The following LRP1B variants were observed in gnomAD, a reference collection of about 807,000 sequenced individuals.
LRP1B encodes LDL receptor related protein 1B.
A neutral mutation model predicts 556.6 loss-of-function variants in LRP1B; 217 were observed. That is an observed-to-expected ratio of 0.39 (90% confidence interval 0.35 to 0.44). The LOEUF is 0.44. LRP1B is among the 20% of genes least tolerant of loss of function. The pLI, the probability that LRP1B is intolerant of heterozygous loss-of-function variation, is 1.00. For synonymous variants in LRP1B, 2,047 were observed against 1,865.8 expected, an observed-to-expected ratio of 1.10 and a Z score of -2.50; for missense variants, 5,053 against 5,620.8, an observed-to-expected ratio of 0.90 and a Z score of 3.23.
chr2:141,874,539 C>T (rs13024611), intron 1 of LRP1B, among the ~76,000 whole-genome samples: 26,842 of 151,792 alleles, frequency 0.18, 2,797 homozygotes, highest in East Asian at 0.34. Context: ...ACAATTCCCT[C>T]TCTGCCAAAA....
intron 2 of LRP1B, among the ~76,000 whole-genome samples, chr2:141,806,135 G>A (rs577044009): frequency 1.3e-5 from 2 of 152,170 alleles, no homozygotes; most frequent in East Asian, 3.9e-4. Context: ...TGTTGAAAAG[G>A]AAGTATCATT....
intron 1 of LRP1B, among the ~76,000 whole-genome samples, chr2:142,119,057 G>A (rs995946383): frequency 3.9e-5 from 6 of 152,082 alleles, no homozygotes; most frequent in African/African-American, 1.2e-4. Flanking sequence ...CTGCAAGTAA[G>A]CTCTTTACAC....
chr2:140,238,070 C>A, intron 89 of LRP1B, 82 bp downstream of exon 89: 1 of 1,252,952 alleles, frequency 8.0e-7, no homozygotes, highest in Non-Finnish European at 1.1e-6. Context: ...AACAGAAAAA[C>A]TTGGTGAAAT....
At position 141,045,135 on chromosome 2, in the gene LRP1B, T is replaced by C. The variant is rs1486741395; in HGVS notation, c.1789+3851A>G. ...GTCCTTTGTGGGGACATGGATGAAA[T>C]TGGAAATCATCATTCTCAGTAAACT... On this transcript the variant is annotated intron_variant, in intron 11 of 90. Transcript: ENST00000389484. 4.5e-5 allele frequency among the ~76,000 whole-genome samples: 6 copies of C among 132,306 alleles called. No homozygotes were observed. In the South Asian group the frequency reaches 8.6e-4, roughly 19 times the overall value. 86.8% of individuals were successfully genotyped at this position (132,306 alleles called of 152,430 possible).
intron 7 of LRP1B, among the ~76,000 whole-genome samples, chr2:141,164,897 G>T (rs2105122608): frequency 6.6e-6 from 1 of 152,098 alleles, no homozygotes; most frequent in Middle Eastern, 3.4e-3. Flanking sequence ...AACTACTAAA[G>T]TTACTAACCC....
chr2:141,418,791 G>A (rs2104959065), intron 3 of LRP1B, among the ~76,000 whole-genome samples: 1 of 152,032 alleles, frequency 6.6e-6, no homozygotes, highest in South Asian at 2.1e-4. Flanking sequence ...AGGATTTTGA[G>A]AGGAATTCCA....
At chr2:141,772,728 C>A (rs773559853) in intron 2 of LRP1B, among the ~76,000 whole-genome samples, 16 of 152,174 alleles carry the variant, frequency 1.1e-4, no homozygotes, top group Non-Finnish European at 1.8e-4. Flanking sequence ...GGGTTCAGAG[C>A]AGAGTGATAA....
At chr2:140,902,170 T>C (rs541470274) in intron 23 of LRP1B, among the ~76,000 whole-genome samples, 1 of 152,286 alleles carries the variant, frequency 6.6e-6, no homozygotes, top group African/African-American at 2.4e-5. Context: ...TTCCTGAATC[T>C]CTTCAATTCT....
chr2:140,958,184 G>T (rs1020365986), intron 18 of LRP1B, among the ~76,000 whole-genome samples: 1 of 151,310 alleles, frequency 6.6e-6, no homozygotes, highest in Non-Finnish European at 1.5e-5. Flanking sequence ...AAATTCAGCA[G>T]ACCTAACAAA....
intron 60 of LRP1B, among the ~76,000 whole-genome samples, chr2:140,458,138 C>T (rs1687178291): frequency 6.6e-6 from 1 of 151,998 alleles, no homozygotes; most frequent in East Asian, 1.9e-4. Flanking sequence ...AATGTGTCTA[C>T]TACCTGGAAA....
chr2:142,075,050 T>G (rs773340416), intron 1 of LRP1B, among the ~76,000 whole-genome samples: 1 of 152,178 alleles, frequency 6.6e-6, no homozygotes, highest in South Asian at 2.1e-4. Flanking sequence ...TTGGAGATTA[T>G]ATTTTATCTT....
chr2:140,886,126 T>C lies in LRP1B; in HGVS notation c.3964+12A>G. On this transcript the variant is annotated intron_variant, in intron 24 of 90. Coordinates refer to ENST00000389484, the MANE Select transcript of LRP1B (RefSeq NM_018557.3). ...GTAATCTAAACATTAAGAAAAATTATAATATATGTACCTCCACTTTCAGAA... is the reference window on the plus strand; with the variant it reads ...GTAATCTAAACATTAAGAAAAATTACAATATATGTACCTCCACTTTCAGAA... The C allele has an allele frequency of 6.7e-7, 1 of 1,485,692 alleles. No individual in the cohort carries two copies. The highest frequency in any genetic ancestry group is 9.1e-7 in the Non-Finnish European group (1 of 1,098,760). The allele number at this position is 1,485,692 out of a possible 1,614,324, so 92.0% of individuals were successfully genotyped here. A position where few individuals can be genotyped will look rare whatever the true frequency, so the allele number is the denominator to read the frequency against.
intron 41 of LRP1B, among the ~76,000 whole-genome samples, chr2:140,680,418 G>A (rs1465486374): frequency 1.3e-5 from 2 of 152,092 alleles, no homozygotes; most frequent in Admixed American, 6.6e-5. Context: ...GGCTGGGTGG[G>A]CCACATTAGT....
intron 32 of LRP1B, among the ~76,000 whole-genome samples, chr2:140,808,326 TA>T (rs1690798071): frequency 6.7e-6 from 1 of 148,634 alleles, no homozygotes; most frequent in African/African-American, 2.5e-5. Context: ...AGATTTATTT[TA>T]ATGTAATTAT....
At chr2:141,901,013 A>G (rs1699603001) in intron 1 of LRP1B, among the ~76,000 whole-genome samples, 2 of 151,994 alleles carry the variant, frequency 1.3e-5, no homozygotes, top group African/African-American at 2.4e-5. Context: ...CATCCTGAGA[A>G]AGTGTAAAGG....
rs1282010725 is a variant in LRP1B at position 140,982,288 on chromosome 2, A to G, written c.2771-12T>C. 6.3e-7 allele frequency: 1 copy of G among 1,577,380 alleles called. No individual in the cohort carries two copies. The highest frequency in any genetic ancestry group is 8.7e-7 in the Non-Finnish European group (1 of 1,147,890). Reference sequence around the variant, plus strand: ...CTGGCATGTTCTGGCTATGATGATCAATTAATAAACAAAAAATCAATTTAG... The same window carrying G: ...CTGGCATGTTCTGGCTATGATGATCGATTAATAAACAAAAAATCAATTTAG... On this transcript the variant is annotated splice_polypyrimidine_tract_variant and intron_variant, in intron 17 of 90. Coordinates refer to ENST00000389484, the MANE Select transcript of LRP1B (RefSeq NM_018557.3).
At chr2:140,844,250 G>A (rs1235688118) in intron 29 of LRP1B, among the ~76,000 whole-genome samples, 1 of 151,940 alleles carries the variant, frequency 6.6e-6, no homozygotes, top group African/African-American at 2.4e-5. Flanking sequence ...TTTTAGTAGA[G>A]GTTGGGTTTC....
chr2:141,107,376 G>A (rs1183459871), intron 7 of LRP1B, among the ~76,000 whole-genome samples: 4 of 152,146 alleles, frequency 2.6e-5, no homozygotes, highest in Non-Finnish European at 4.4e-5. Flanking sequence ...GGCTGGGCAC[G>A]GTAGCTCATG....
rs570757988 is a variant in LRP1B at position 140,673,952 on chromosome 2, T to C, written c.6799+26298A>G. Among the ~76,000 whole-genome samples, 3 of 150,908 alleles carry C rather than the reference T, an allele frequency of 2.0e-5. No homozygotes were observed. The East Asian group carries it at 5.8e-4, about 29-fold the overall frequency. ...TATCTCTTTTCTTTTTTCTTTTTTT[T>C]TTTTTTCTTTTTTTGCGACAGAGTC... On this transcript the variant is annotated intron_variant, in intron 41 of 90. Coordinates refer to ENST00000389484, the MANE Select transcript of LRP1B (RefSeq NM_018557.3).
Sources: gnomAD v4.1 joint callset for allele counts (sites outside exome capture counted in the v4.1 genomes callset) on GRCh38, gnomAD v4.1.1 for gene constraint, MANE v1.5 for transcripts, NCBI Gene and HGNC (gene_info 2026-07-23, HGNC 2026-07-21) for gene names.